PDE4D: variants seen among roughly 807,000 people sequenced by gnomAD.
The protein encoded by PDE4D is phosphodiesterase 4D.
Under a neutral mutation model 87.4 loss-of-function variants are expected in PDE4D, and 24 were observed. That is an observed-to-expected ratio of 0.27 (90% CI 0.20 to 0.39). The LOEUF is 0.39. Ranked by LOEUF, PDE4D falls within the 10% of genes least tolerant of loss-of-function variation. The pLI is 1.00. For missense variants in PDE4D, 714 were observed against 1,041.0 expected, an observed-to-expected ratio of 0.69 and a Z score of 4.32; for synonymous variants, 384 against 383.2, an observed-to-expected ratio of 1.00 and a Z score of -0.02.
At chr5:59,382,097 A>C (rs1003959164) in intron 1 of PDE4D, among the ~76,000 whole-genome samples, 5 of 152,054 alleles carry the variant, frequency 3.3e-5, no homozygotes, top group African/African-American at 1.2e-4. Context: ...TGTTCTTTAC[A>C]GTCCCCCATT....
chr5:60,471,544 A>G (rs1747812165), intron 1 of PDE4D, among the ~76,000 whole-genome samples: 1 of 152,162 alleles, frequency 6.6e-6, no homozygotes, highest in African/African-American at 2.4e-5. Flanking sequence ...TTGATGTAGC[A>G]AATTTCATTG....
intron 1 of PDE4D, among the ~76,000 whole-genome samples, chr5:60,244,822 A>G (rs1338362911): frequency 6.6e-6 from 1 of 152,036 alleles, no homozygotes; most frequent in Non-Finnish European, 1.5e-5. Context: ...TAAATCTAAG[A>G]CCTCAAACTA....
At chr5:59,316,135 G>A (rs1428247168) in intron 1 of PDE4D, among the ~76,000 whole-genome samples, 2 of 152,092 alleles carry the variant, frequency 1.3e-5, no homozygotes, top group Non-Finnish European at 2.9e-5. Flanking sequence ...GTAACATTTA[G>A]ACTCTTTATT....
chr5:60,421,751 T>C (rs1413917542), intron 1 of PDE4D, among the ~76,000 whole-genome samples: 1 of 152,152 alleles, frequency 6.6e-6, no homozygotes, highest in Non-Finnish European at 1.5e-5. Context: ...TTCTCCAAGC[T>C]AAAGGGGCAT....
rs141239416 is a variant in PDE4D, at chr5:60,139,576, C to T, written c.42+45981G>A. Among the ~76,000 whole-genome samples the T allele has an allele frequency of 1.1e-3, 165 of 151,858 alleles. 2 individuals are homozygous for T. Among genetic ancestry groups the T allele is most frequent in the Admixed American group, 1.8e-3 (28 of 15,234 alleles). On this transcript the variant is annotated intron_variant, in intron 2 of 16. Transcript: ENST00000502484. ...TAATGCCACAGAATACAAAAGCCAACGAGAGAATAACTCAATATATAACCC... is the reference window on the plus strand; with the variant it reads ...TAATGCCACAGAATACAAAAGCCAATGAGAGAATAACTCAATATATAACCC...
intron 3 of PDE4D, among the ~76,000 whole-genome samples, chr5:59,978,788 A>T (rs1302762517): frequency 1.3e-5 from 2 of 152,180 alleles, no homozygotes; most frequent in Non-Finnish European, 2.9e-5. Flanking sequence ...TATTCTAAGA[A>T]ATTGTCACAG....
intron 2 of PDE4D, among the ~76,000 whole-genome samples, chr5:60,103,666 T>A (rs1776497567): frequency 6.6e-6 from 1 of 152,076 alleles, no homozygotes; most frequent in South Asian, 2.1e-4. Flanking sequence ...CAGATAGGCA[T>A]AACAAACTTT....
At chr5:59,663,440 G>C (rs935530246) in intron 1 of PDE4D, among the ~76,000 whole-genome samples, 1 of 152,010 alleles carries the variant, frequency 6.6e-6, no homozygotes, top group Non-Finnish European at 1.5e-5. Context: ...CAAAGTTCTG[G>C]GATAACAGGC....
intron 1 of PDE4D, among the ~76,000 whole-genome samples, chr5:59,399,099 A>G (rs1306857282): frequency 1.5e-5 from 2 of 132,336 alleles, no homozygotes; most frequent in African/African-American, 5.6e-5. Flanking sequence ...AACAAATGGA[A>G]GAACATTCCA....
chr5:59,162,825 A>C (rs1781321392), intron 5 of PDE4D, among the ~76,000 whole-genome samples: 1 of 145,624 alleles, frequency 6.9e-6, no homozygotes, highest in Non-Finnish European at 1.5e-5. Context: ...ACCGCAATCT[A>C]GCCTGAGCAA....
At chr5:59,106,285 C>A (rs1351439455) in intron 5 of PDE4D, among the ~76,000 whole-genome samples, 2 of 152,184 alleles carry the variant, frequency 1.3e-5, no homozygotes, top group African/African-American at 4.8e-5. Context: ...TATAGAGGAA[C>A]AACTTGTAGT....
At chr5:60,113,786 G>A (rs768728434) in intron 2 of PDE4D, among the ~76,000 whole-genome samples, 8 of 151,978 alleles carry the variant, frequency 5.3e-5, no homozygotes, top group Non-Finnish European at 1.0e-4. Flanking sequence ...TTTTACATGA[G>A]CATTTAAATG....
intron 5 of PDE4D, among the ~76,000 whole-genome samples, chr5:59,166,744 G>C (rs1781985314): frequency 6.6e-6 from 1 of 152,156 alleles, no homozygotes; most frequent in Non-Finnish European, 1.5e-5. Flanking sequence ...TGGTGAATAG[G>C]GTTGGTAATC....
At chr5:59,229,074 G>C (rs926942550) in intron 1 of PDE4D, among the ~76,000 whole-genome samples, 1 of 151,138 alleles carries the variant, frequency 6.6e-6, no homozygotes, top group Non-Finnish European at 1.5e-5. Flanking sequence ...AGCTTCTGAT[G>C]AACTTTGTTT....
At chr5:59,580,878 T>A (rs1175283319) in intron 1 of PDE4D, among the ~76,000 whole-genome samples, 1 of 151,538 alleles carries the variant, frequency 6.6e-6, no homozygotes, top group Non-Finnish European at 1.5e-5. Flanking sequence ...TTTTAAATTA[T>A]TTTTTTTTAG....
intron 5 of PDE4D, among the ~76,000 whole-genome samples, chr5:59,070,776 A>G (rs1223659928): frequency 6.6e-6 from 1 of 152,152 alleles, no homozygotes; most frequent in African/African-American, 2.4e-5. Context: ...CTTTTCCCAT[A>G]TTACAAAAAT....
At chr5:59,276,090 G>A (rs1764739034) in intron 1 of PDE4D, 2 of 964,124 alleles carry the variant, frequency 2.1e-6, no homozygotes, top group South Asian at 4.9e-5. Flanking sequence ...CTGTAAGAAG[G>A]CAGTTCAAAA....
intron 6 of PDE4D, among the ~76,000 whole-genome samples, chr5:59,029,427 A>AG (rs890676175): frequency 6.6e-6 from 1 of 151,184 alleles, no homozygotes; most frequent in African/African-American, 2.4e-5. Flanking sequence ...AAAAAAAAAA[A>AG]AAAAAAAAAA....
intron 1 of PDE4D, among the ~76,000 whole-genome samples, chr5:59,243,448 C>CTTTTTTTTTTTTTTT (rs767287011): frequency 1.4e-5 from 1 of 72,282 alleles, no homozygotes; most frequent in African/African-American, 6.2e-5. Context: ...TTAAAATAAC[C>CTTTTTTTTTTTTTTT]TTTTTTTTTT....
Sources: allele counts gnomAD v4.1 joint callset (sites outside exome capture counted in the v4.1 genomes callset), GRCh38; gene constraint gnomAD v4.1.1; transcripts MANE v1.5; gene names NCBI Gene and HGNC (gene_info 2026-07-23, HGNC 2026-07-21).